Variants in COL21A1 observed in about 807,000 individuals in gnomAD.
The protein encoded by COL21A1 is collagen alpha-1(XXI) chain.
COL21A1 carries 149 observed loss-of-function variants against 137.9 expected under a neutral mutation model. The ratio of observed to expected loss-of-function variants is 1.08; its 90% confidence interval spans 0.95 to 1.24. The LOEUF (loss-of-function observed/expected upper bound fraction) is 1.24, where lower values mean the gene tolerates loss of function less well. Among genes scored for constraint, COL21A1 ranks in the 50% most tolerant of loss-of-function variants. The pLI, the probability that COL21A1 is intolerant of heterozygous loss-of-function variation, is 0.00. For missense variants in COL21A1, 1,167 were observed against 1,158.4 expected (o/e 1.01, Z -0.11); for synonymous variants, 456 against 391.5 (o/e 1.16, Z -1.95).
chr6:56,238,827 T>C (rs1042193436), intron 1 of COL21A1, among the ~76,000 whole-genome samples: 2 of 152,204 alleles, frequency 1.3e-5, no homozygotes, highest in Non-Finnish European at 1.5e-5. Flanking sequence ...GATTCAAATG[T>C]AAGTGTGAAA....
intron 17 of COL21A1, chr6:56,077,775 A>G (rs181875686): frequency 1.0e-4 from 50 of 497,622 alleles, no homozygotes; most frequent in African/African-American, 9.4e-4. Flanking sequence ...ACTGATATTT[A>G]GAGCTTTAAA....
intron 17 of COL21A1, among the ~76,000 whole-genome samples, chr6:56,096,352 T>A (rs1769324364): frequency 6.6e-6 from 1 of 152,124 alleles, no homozygotes; most frequent in Non-Finnish European, 1.5e-5. Flanking sequence ...ATTAGTACAA[T>A]GTCTGGCACA....
chr6:56,296,293 A>G (rs1247780801), intron 1 of COL21A1, among the ~76,000 whole-genome samples: 1 of 151,988 alleles, frequency 6.6e-6, no homozygotes, highest in Non-Finnish European at 1.5e-5. Context: ...TGGGCAATCC[A>G]ATTAACTTGC....
At chr6:56,166,028 G>A (rs1561937066) in intron 7 of COL21A1, among the ~76,000 whole-genome samples, 3 of 150,866 alleles carry the variant, frequency 2.0e-5, no homozygotes, top group African/African-American at 2.4e-5. Context: ...AAATAGAAAC[G>A]CTGCTTATAT....
At chr6:56,297,055 A>G (rs1016933893) in intron 1 of COL21A1, among the ~76,000 whole-genome samples, 1 of 152,054 alleles carries the variant, frequency 6.6e-6, no homozygotes, top group Non-Finnish European at 1.5e-5. Context: ...GCTTTATCAT[A>G]ATAGTCTTCT....
At chr6:56,301,547 A>G (rs9370511) in intron 1 of COL21A1, among the ~76,000 whole-genome samples, 23,653 of 152,144 alleles carry the variant, frequency 0.16, 3,340 homozygotes, top group East Asian at 0.59. Context: ...AACAAGAAAC[A>G]TAAAGATAGG....
At chr6:56,100,924 T>C (rs761386512) in intron 17 of COL21A1, among the ~76,000 whole-genome samples, 1 of 152,160 alleles carries the variant, frequency 6.6e-6, no homozygotes, top group Non-Finnish European at 1.5e-5. Context: ...TGAGGGTAGG[T>C]ACCTTTGATG....
intron 1 of COL21A1, among the ~76,000 whole-genome samples, chr6:56,284,814 C>G (rs759279043): frequency 6.6e-5 from 10 of 152,188 alleles, no homozygotes; most frequent in Non-Finnish European, 1.2e-4. Context: ...TTCACCCACT[C>G]CAAATAACTT....
intron 10 of COL21A1, among the ~76,000 whole-genome samples, chr6:56,154,151 T>G (rs1231939243): frequency 6.6e-6 from 1 of 152,016 alleles, no homozygotes; most frequent in Non-Finnish European, 1.5e-5. Flanking sequence ...AGGGAGTGAA[T>G]TCTTGATAAA....
chr6:56,080,861 C>T (rs1016943861), intron 17 of COL21A1, among the ~76,000 whole-genome samples: 5 of 151,714 alleles, frequency 3.3e-5, no homozygotes, highest in African/African-American at 1.2e-4. Flanking sequence ...GTATCATTCT[C>T]ATTAACTAAA....
At chr6:56,223,995 A>G (rs1309788886) in intron 1 of COL21A1, among the ~76,000 whole-genome samples, 2 of 152,090 alleles carry the variant, frequency 1.3e-5, no homozygotes, top group Non-Finnish European at 2.9e-5. Context: ...CTCCTGGGAT[A>G]AGGGCAAATT....
intron 14 of COL21A1, among the ~76,000 whole-genome samples, chr6:56,125,012 T>C (rs1269557971): frequency 5.3e-4 from 7 of 13,250 alleles, no homozygotes; most frequent in African/African-American, 4.4e-3. Flanking sequence ...TCTGTAAATC[T>C]TTTTTTTTTT....
intron 22 of COL21A1, among the ~76,000 whole-genome samples, chr6:56,068,547 T>C (rs1766460768): frequency 6.6e-6 from 1 of 151,606 alleles, no homozygotes; most frequent in African/African-American, 2.4e-5. Flanking sequence ...TATATTTGAC[T>C]TGCATTTTTA....
intron 20 of COL21A1, 53 bp downstream of exon 20, chr6:56,074,179 T>A: frequency 7.9e-7 from 1 of 1,261,092 alleles, no homozygotes; most frequent in Non-Finnish European, 1.1e-6. Context: ...AAGTTATAAA[T>A]GGCCACTGTG....
chr6:56,139,596 G>A (rs1047927996), intron 12 of COL21A1, among the ~76,000 whole-genome samples: 1 of 152,120 alleles, frequency 6.6e-6, no homozygotes, highest in African/African-American at 2.4e-5. Context: ...TTGGTCTTCA[G>A]GAACACTGAA....
intron 1 of COL21A1, among the ~76,000 whole-genome samples, chr6:56,339,999 A>G (rs1765429576): frequency 6.6e-6 from 1 of 152,202 alleles, no homozygotes; most frequent in African/African-American, 2.4e-5. Context: ...TAGTTTGGAC[A>G]TCTAAGTCAG....
intron 1 of COL21A1, among the ~76,000 whole-genome samples, chr6:56,336,256 A>C (rs1368370788): frequency 6.6e-6 from 1 of 152,200 alleles, no homozygotes; most frequent in Non-Finnish European, 1.5e-5. Flanking sequence ...GGTGATTCTG[A>C]TTCAGCTTAA....
At chr6:56,107,348 T>C (rs1771038813) in intron 16 of COL21A1, among the ~76,000 whole-genome samples, 1 of 152,020 alleles carries the variant, frequency 6.6e-6, no homozygotes, top group African/African-American at 2.4e-5. Context: ...AATATATCTG[T>C]AATTGGAGTC....
chr6:56,272,047 C>T (rs1184357808), intron 1 of COL21A1, among the ~76,000 whole-genome samples: 4 of 152,204 alleles, frequency 2.6e-5, no homozygotes, highest in Admixed American at 2.0e-4. Context: ...GGGTTGGAAC[C>T]CCCAAGCAGA....
Sources: gnomAD v4.1 joint callset for allele counts (sites outside exome capture counted in the v4.1 genomes callset) on GRCh38, gnomAD v4.1.1 for gene constraint, MANE v1.5 for transcripts, NCBI Gene and HGNC (gene_info 2026-07-23, HGNC 2026-07-21) for gene names.